Variants in DAB1 observed in about 807,000 individuals in gnomAD.
The protein encoded by DAB1 is disabled homolog 1.
DAB1 carries 15 observed loss-of-function variants against 64.6 expected under a neutral mutation model. The ratio of observed to expected loss-of-function variants is 0.23; its 90% confidence interval spans 0.16 to 0.36. The LOEUF is 0.36. DAB1 is among the 10% of genes least tolerant of loss of function. DAB1 has a pLI of 1.00. For missense variants in DAB1, 596 were observed against 706.7 expected (o/e 0.84, Z 1.78); for synonymous variants, 235 against 251.9 (o/e 0.93, Z 0.64).
At chr1:57,106,010 G>A (rs1655105523) in intron 4 of DAB1, among the ~76,000 whole-genome samples, 1 of 152,124 alleles carries the variant, frequency 6.6e-6, no homozygotes, top group Non-Finnish European at 1.5e-5. Flanking sequence ...CTTAACCTCT[G>A]TAAGCCTCGG....
chr1:57,813,827 A>G (rs534840046), intron 6 of DAB1, among the ~76,000 whole-genome samples: 1 of 152,364 alleles, frequency 6.6e-6, no homozygotes, highest in African/African-American at 2.4e-5. Flanking sequence ...TAGATAATTC[A>G]TAGACTGTTT....
At chr1:57,329,660 C>CA (rs57801886) in intron 1 of DAB1, among the ~76,000 whole-genome samples, 7,812 of 100,704 alleles carry the variant, frequency 0.078, 294 homozygotes, top group South Asian at 0.14. Context: ...TTGTCTCTTC[C>CA]AAAAAAAAAA....
intron 2 of DAB1, among the ~76,000 whole-genome samples, chr1:58,510,778 T>C (rs1224743558): frequency 9.2e-5 from 14 of 151,378 alleles, no homozygotes; most frequent in Non-Finnish European, 1.5e-5. Flanking sequence ...TTCAGTAAAG[T>C]TAGTATACAA....
chr1:57,778,379 C>T (rs1649914029), intron 6 of DAB1, among the ~76,000 whole-genome samples: 1 of 151,890 alleles, frequency 6.6e-6, no homozygotes, highest in East Asian at 2.0e-4. Context: ...TGATATACAC[C>T]TCCCTCTGCT....
rs534040892 is a variant in DAB1 at position 58,493,947 on chromosome 1, C to T, written n.257+12113G>A. On this transcript the variant is annotated intron_variant and non_coding_transcript_variant, in intron 3 of 20. Transcript: ENST00000485760. Reference sequence around the variant, plus strand: ...AAGTTCATATGGTACCAAAAAAGAGCCCTCATTGCCAAGTCAATCCTAAGC... The same window carrying T: ...AAGTTCATATGGTACCAAAAAAGAGTCCTCATTGCCAAGTCAATCCTAAGC... Among the ~76,000 whole-genome samples, 68 of 146,248 alleles carry T rather than the reference C, an allele frequency of 4.6e-4. 4 individuals are homozygous for T. Among genetic ancestry groups the T allele is most frequent in the African/African-American group, 1.7e-3 (66 of 39,708 alleles).
At chr1:57,659,375 T>A (rs1646357718) in intron 6 of DAB1, among the ~76,000 whole-genome samples, 1 of 152,212 alleles carries the variant, frequency 6.6e-6, no homozygotes, top group South Asian at 2.1e-4. Context: ...CTCAGGTCAT[T>A]GCATTAAACA....
At chr1:57,020,829 G>C (rs1175466915) in intron 11 of DAB1, among the ~76,000 whole-genome samples, 2 of 152,156 alleles carry the variant, frequency 1.3e-5, no homozygotes, top group African/African-American at 4.8e-5. Flanking sequence ...TAAAGATGAA[G>C]AAACTCTGAC....
chr1:57,335,406 C>A (rs1677001823), intron 1 of DAB1, among the ~76,000 whole-genome samples: 1 of 152,154 alleles, frequency 6.6e-6, no homozygotes, highest in Admixed American at 6.5e-5. Context: ...GCAAATACAG[C>A]ATTAGATTTT....
At chr1:57,000,975 C>G (rs891368842) in intron 14 of DAB1, among the ~76,000 whole-genome samples, 1 of 152,152 alleles carries the variant, frequency 6.6e-6, no homozygotes, top group Non-Finnish European at 1.5e-5. Context: ...CTTCAAATAC[C>G]CATCACAACA....
intron 1 of DAB1, among the ~76,000 whole-genome samples, chr1:57,385,745 T>C (rs2100984412): frequency 6.6e-6 from 1 of 152,242 alleles, no homozygotes; most frequent in Non-Finnish European, 1.5e-5. Flanking sequence ...TAGAACAAAA[T>C]GCAATTTAAC....
At chr1:57,671,360 A>T (rs919273962) in intron 6 of DAB1, among the ~76,000 whole-genome samples, 1 of 152,160 alleles carries the variant, frequency 6.6e-6, no homozygotes, top group African/African-American at 2.4e-5. Context: ...CCATTAAAAA[A>T]TGGTCAAATC....
intron 4 of DAB1, among the ~76,000 whole-genome samples, chr1:58,155,236 T>C (rs137945256): frequency 2.0e-5 from 3 of 152,274 alleles, no homozygotes; most frequent in African/African-American, 7.2e-5. Flanking sequence ...AGTGAAGAAG[T>C]ATGTCTATAC....
At chr1:57,906,552 G>A (rs1370242723) in intron 5 of DAB1, among the ~76,000 whole-genome samples, 2 of 152,168 alleles carry the variant, frequency 1.3e-5, no homozygotes, top group Non-Finnish European at 2.9e-5. Flanking sequence ...AAAGGCAGTT[G>A]CTATGGTGTC....
chr1:57,906,116 T>G (rs1293803506), intron 5 of DAB1, among the ~76,000 whole-genome samples: 2 of 152,138 alleles, frequency 1.3e-5, no homozygotes, highest in Non-Finnish European at 2.9e-5. Context: ...CTGGAAAGGA[T>G]TCTTAAAAAG....
At chr1:58,139,313 C>T (rs1220576916) in intron 5 of DAB1, among the ~76,000 whole-genome samples, 1 of 152,144 alleles carries the variant, frequency 6.6e-6, no homozygotes, top group Non-Finnish European at 1.5e-5. Context: ...TCTCATGCTA[C>T]TATGAAGAAA....
rs1686778210 is a variant in DAB1, at chr1:57,461,510, C to T, written n.626-170344G>A. On this transcript the variant is annotated intron_variant and non_coding_transcript_variant, in intron 7 of 20. Transcript: ENST00000485760. ...TCTGATGCCTGACTTTCTCATCAGC[C>T]CCTTCTCCACACTTCCTGTCTTGCA... Among the ~76,000 whole-genome samples, 4 of 152,148 alleles carry T rather than the reference C, an allele frequency of 2.6e-5. No homozygotes were observed. In the South Asian group the frequency reaches 8.3e-4, roughly 32 times the overall value.
chr1:58,170,335 G>A lies in DAB1; in HGVS notation n.310-19747C>T, dbSNP rs140884969. On this transcript the variant is annotated intron_variant and non_coding_transcript_variant, in intron 4 of 20. Coordinates refer to the DAB1 transcript ENST00000485760. ...GGAAGAAAATCCTTCTGCCTTCCTC[G>A]AGCAGCTATGGGAGGCCTTAAGAAA... Among the ~76,000 whole-genome samples, 654 of 152,202 alleles carry A rather than the reference G, an allele frequency of 4.3e-3. 3 individuals carry two copies. Among genetic ancestry groups the A allele is most frequent in the Non-Finnish European group, 6.3e-3 (428 of 68,028 alleles).
chr1:58,495,279 G>A (rs556496235), intron 3 of DAB1, among the ~76,000 whole-genome samples: 68 of 152,210 alleles, frequency 4.5e-4, no homozygotes, highest in African/African-American at 1.6e-3. Context: ...TGGGGTGGGA[G>A]GAGGAGGGAG....
chr1:57,602,414 C>G (rs566612770), intron 7 of DAB1, among the ~76,000 whole-genome samples: 1 of 152,146 alleles, frequency 6.6e-6, no homozygotes, highest in Non-Finnish European at 1.5e-5. Context: ...CTCTGGTATA[C>G]GATGAGTCAC....
Sources: gnomAD v4.1 joint callset for allele counts (sites outside exome capture counted in the v4.1 genomes callset) on GRCh38, gnomAD v4.1.1 for gene constraint, MANE v1.5 for transcripts, NCBI Gene and HGNC (gene_info 2026-07-23, HGNC 2026-07-21) for gene names.